The following NRXN3 variants were observed in gnomAD, a reference collection of about 807,000 sequenced individuals.
NRXN3 encodes the protein neurexin 3.
NRXN3 carries 32 observed loss-of-function variants against 137.6 expected under a neutral mutation model. The observed-to-expected ratio is 0.23, with a 90% CI of 0.18 to 0.31. The LOEUF (loss-of-function observed/expected upper bound fraction) is 0.31, where lower values mean the gene tolerates loss of function less well. Ranked by LOEUF, NRXN3 falls within the 10% of genes least tolerant of loss-of-function variation. The probability of loss-of-function intolerance (pLI) is 1.00; values close to 1 mark genes in which losing one functional copy is unlikely to be tolerated. For missense variants in NRXN3, 1,574 were observed against 2,062.5 expected (o/e 0.76, Z 4.59); for synonymous variants, 798 against 784.5 (o/e 1.02, Z -0.29).
At chr14:79,828,429 G>T (rs761013093) in intron 20 of NRXN3, among the ~76,000 whole-genome samples, 8 of 151,862 alleles carry the variant, frequency 5.3e-5, no homozygotes, top group Non-Finnish European at 1.0e-4. Flanking sequence ...AGACTAGCCT[G>T]GCAAACATGG....
intron 10 of NRXN3, among the ~76,000 whole-genome samples, chr14:78,828,024 T>C (rs953669961): frequency 6.6e-6 from 1 of 152,226 alleles, no homozygotes; most frequent in Non-Finnish European, 1.5e-5. Context: ...TTACTTGGAC[T>C]CTCTGCATCT....
chr14:78,833,789 C>A (rs1391663274), intron 10 of NRXN3, among the ~76,000 whole-genome samples: 2 of 152,026 alleles, frequency 1.3e-5, no homozygotes, highest in African/African-American at 4.8e-5. Flanking sequence ...CTTATTTAGT[C>A]CTCCCAACAA....
chr14:79,844,400 A>G (rs1325219913), intron 20 of NRXN3, among the ~76,000 whole-genome samples: 1 of 151,376 alleles, frequency 6.6e-6, no homozygotes, highest in Non-Finnish European at 1.5e-5. Context: ...CAGATCCATT[A>G]GAAGAATCAC....
chr14:79,252,909 A>T (rs890207894), intron 15 of NRXN3, among the ~76,000 whole-genome samples: 1 of 152,160 alleles, frequency 6.6e-6, no homozygotes, highest in African/African-American at 2.4e-5. Context: ...GCCCAGCCAC[A>T]TCCATTAGTC....
intron 4 of NRXN3, among the ~76,000 whole-genome samples, chr14:78,303,693 C>T (rs1458000753): frequency 2.0e-5 from 3 of 152,162 alleles, no homozygotes; most frequent in Non-Finnish European, 4.4e-5. Context: ...CTGCATTCTC[C>T]TGCCTTTGGA....
chr14:79,274,200 C>A (rs2079898376), intron 15 of NRXN3, among the ~76,000 whole-genome samples: 1 of 151,842 alleles, frequency 6.6e-6, no homozygotes, highest in Non-Finnish European at 1.5e-5. Flanking sequence ...AGCACCAGAG[C>A]CCATTCTAAA....
intron 16 of NRXN3, among the ~76,000 whole-genome samples, chr14:79,626,429 G>GAAAT (rs2098282213): frequency 7.2e-6 from 1 of 138,944 alleles, no homozygotes; most frequent in Admixed American, 7.0e-5. Context: ...TTAAACCACT[G>GAAAT]AAATAACCCT....
At chr14:79,860,999 C>T in intron 20 of NRXN3, 1 of 1,278,842 alleles carries the variant, frequency 7.8e-7, no homozygotes, top group Non-Finnish European at 1.0e-6. Context: ...GAGTTGTTTA[C>T]AAATATACTA....
In NRXN3 at chr14:79,599,912, T is replaced by A. The variant is rs562479830; in HGVS notation, c.3445-63866T>A. On this transcript the variant is annotated intron_variant, in intron 16 of 20. Transcript: ENST00000335750. ...CAGAAGGCTGAGGCAGGGGAATCTCTTGAACCCAGGAGGCGGAGGTTGCAG... is the reference window on the plus strand; with the variant it reads ...CAGAAGGCTGAGGCAGGGGAATCTCATGAACCCAGGAGGCGGAGGTTGCAG... Among the ~76,000 whole-genome samples, 539 of 152,332 alleles carry A rather than the reference T, an allele frequency of 3.5e-3. 1 individual carries two copies. Among genetic ancestry groups the A allele is most frequent in the African/African-American group, 0.013 (523 of 41,570 alleles).
intron 6 of NRXN3, among the ~76,000 whole-genome samples, chr14:78,687,409 A>G (rs767150770): frequency 9.9e-5 from 15 of 152,202 alleles, no homozygotes; most frequent in Non-Finnish European, 1.8e-4. Flanking sequence ...AGTAGAAGTG[A>G]TGGGAATTGT....
chr14:79,013,834 G>A (rs1008039671), intron 15 of NRXN3, among the ~76,000 whole-genome samples: 3 of 152,178 alleles, frequency 2.0e-5, no homozygotes, highest in African/African-American at 7.2e-5. Context: ...TCATTTATGA[G>A]TTTGTTCATC....
At chr14:79,140,901 T>A (rs1244866681) in intron 15 of NRXN3, among the ~76,000 whole-genome samples, 1 of 152,106 alleles carries the variant, frequency 6.6e-6, no homozygotes, top group Non-Finnish European at 1.5e-5. Flanking sequence ...TTGTGTGTCC[T>A]GAATAAACAT....
chr14:79,422,634 C>T (rs994798494), intron 15 of NRXN3, among the ~76,000 whole-genome samples: 4 of 151,074 alleles, frequency 2.6e-5, no homozygotes, highest in Non-Finnish European at 2.9e-5. Flanking sequence ...AGTCCAGACC[C>T]GAGTGATAAG....
chr14:78,463,490 G>A (rs2094991104), intron 4 of NRXN3, among the ~76,000 whole-genome samples: 1 of 151,344 alleles, frequency 6.6e-6, no homozygotes, highest in South Asian at 2.1e-4. Flanking sequence ...TTTCCGTAGA[G>A]GTTGTATTAA....
intron 4 of NRXN3, among the ~76,000 whole-genome samples, chr14:78,413,252 G>A (rs1488675329): frequency 2.0e-5 from 3 of 152,186 alleles, no homozygotes; most frequent in Non-Finnish European, 4.4e-5. Flanking sequence ...TTGTGACACA[G>A]AGTTTGCTCT....
intron 10 of NRXN3, among the ~76,000 whole-genome samples, chr14:78,866,111 G>C (rs1163558997): frequency 6.6e-6 from 1 of 152,118 alleles, no homozygotes; most frequent in Non-Finnish European, 1.5e-5. Flanking sequence ...TGAATATACA[G>C]ATGTTTGGAT....
At chr14:78,502,007 A>G (rs2095886789) in intron 4 of NRXN3, among the ~76,000 whole-genome samples, 1 of 152,108 alleles carries the variant, frequency 6.6e-6, no homozygotes, top group Non-Finnish European at 1.5e-5. Flanking sequence ...AGAACACTGG[A>G]TCTCCACAGA....
intron 4 of NRXN3, among the ~76,000 whole-genome samples, chr14:78,487,439 T>C (rs2095580467): frequency 6.6e-6 from 1 of 152,122 alleles, no homozygotes; most frequent in African/African-American, 2.4e-5. Flanking sequence ...TTGTCCATTT[T>C]GCCTCAAAAA....
chr14:79,111,323 C>T (rs2053480234), intron 15 of NRXN3, among the ~76,000 whole-genome samples: 1 of 152,118 alleles, frequency 6.6e-6, no homozygotes, highest in African/African-American at 2.4e-5. Context: ...ACTCACTGTC[C>T]ACTGTGAAAT....
Sources: allele counts gnomAD v4.1 joint callset (sites outside exome capture counted in the v4.1 genomes callset), GRCh38; gene constraint gnomAD v4.1.1; transcripts MANE v1.5; gene names NCBI Gene and HGNC (gene_info 2026-07-23, HGNC 2026-07-21).